The following KCNB2 variants were observed in gnomAD, a reference collection of about 807,000 sequenced individuals.
The protein encoded by KCNB2 is potassium voltage-gated channel subfamily B member 2, also known as delayed rectifier potassium channel protein.
KCNB2 carries 15 observed loss-of-function variants against 61.5 expected under a neutral mutation model. The ratio of observed to expected loss-of-function variants is 0.24; its 90% confidence interval spans 0.16 to 0.38. The LOEUF (loss-of-function observed/expected upper bound fraction) is 0.38, where lower values mean the gene tolerates loss of function less well. KCNB2 is among the 10% of genes least tolerant of loss of function. The pLI, the probability that KCNB2 is intolerant of heterozygous loss-of-function variation, is 1.00. For missense variants in KCNB2, 828 were observed against 1,125.2 expected (o/e 0.74, Z 3.78); for synonymous variants, 457 against 446.0 (o/e 1.02, Z -0.31).
intron 1 of KCNB2, among the ~76,000 whole-genome samples, chr8:72,543,607 T>C (rs540955521): frequency 6.6e-6 from 1 of 152,336 alleles, no homozygotes; most frequent in East Asian, 1.9e-4. Context: ...GATAGCACCT[T>C]CTATCATTCC....
Position 72,646,283 on chromosome 8 carries a change from G to A in KCNB2, c.579+77970G>A, listed in dbSNP as rs116814820. Among the ~76,000 whole-genome samples, 801 of 152,014 alleles carry A rather than the reference G, an allele frequency of 5.3e-3. 10 individuals are homozygous for A. The highest frequency in any genetic ancestry group is 0.018 in the African/African-American group (753 of 41,482). On this transcript the variant is annotated intron_variant, in intron 2 of 2. Coordinates refer to ENST00000523207, the MANE Select transcript of KCNB2 (RefSeq NM_004770.3). ...TTGTGTATTTGCATTTTTACTTACT[G>A]ATATTTAGTGCTTAACATTTTATAA...
At chr8:72,812,155 G>A (rs893469810) in intron 2 of KCNB2, among the ~76,000 whole-genome samples, 4 of 152,126 alleles carry the variant, frequency 2.6e-5, no homozygotes, top group Non-Finnish European at 4.4e-5. Context: ...CCAGCTACTC[G>A]CGAGGCTGAG....
chr8:72,639,108 C>G (rs1806012969), intron 2 of KCNB2, among the ~76,000 whole-genome samples: 1 of 152,120 alleles, frequency 6.6e-6, no homozygotes, highest in Non-Finnish European at 1.5e-5. Context: ...TCAGATACTT[C>G]TATGGTTACA....
intron 2 of KCNB2, among the ~76,000 whole-genome samples, chr8:72,722,959 C>T (rs367901110): frequency 1.3e-5 from 2 of 152,130 alleles, no homozygotes; most frequent in East Asian, 1.9e-4. Flanking sequence ...GTCTTTTTCT[C>T]ACCAGTCACT....
intron 2 of KCNB2, among the ~76,000 whole-genome samples, chr8:72,654,613 A>T (rs962914584): frequency 6.6e-5 from 10 of 152,154 alleles, no homozygotes; most frequent in Admixed American, 1.3e-4. Context: ...GGGTTTTCTT[A>T]AAAAATTTAG....
chr8:72,802,779 T>C (rs1172175521), intron 2 of KCNB2, among the ~76,000 whole-genome samples: 1 of 152,178 alleles, frequency 6.6e-6, no homozygotes, highest in Admixed American at 6.5e-5. Context: ...TTCTCTGCCA[T>C]CCATTATGGT....
chr8:72,725,573 ATGTATATATATATG>A (rs1807627950), intron 2 of KCNB2, among the ~76,000 whole-genome samples: 2 of 62,182 alleles, frequency 3.2e-5, no homozygotes, highest in African/African-American at 7.8e-5. Flanking sequence ...ATGTATATAT[ATGTATATATATATG>A]TATGTATATA....
intron 2 of KCNB2, among the ~76,000 whole-genome samples, chr8:72,848,668 G>A (rs1260659375): frequency 6.6e-6 from 1 of 152,074 alleles, no homozygotes; most frequent in Non-Finnish European, 1.5e-5. Context: ...GACTTCCTGT[G>A]TAAAACAAGG....
In KCNB2 at chr8:72,793,960, G is replaced by A. The variant is rs182320846; in HGVS notation, c.580-141975G>A. ...GACTGAGCCACTTAAGTAAGCCTTT[G>A]AAGGCCAGGGTAAGGACGTAAGGAA... On this transcript the variant is annotated intron_variant, in intron 2 of 2. Coordinates refer to ENST00000523207, the MANE Select transcript of KCNB2 (RefSeq NM_004770.3). Among the ~76,000 whole-genome samples the A allele has an allele frequency of 6.3e-3, 956 of 152,312 alleles. 6 individuals carry two copies. Among genetic ancestry groups the A allele is most frequent in the Non-Finnish European group, 6.9e-3 (471 of 68,028 alleles).
rs992779350 is a variant in KCNB2 at position 72,937,245 on chromosome 8, G to A, written c.1890G>A (p.Gln630=). The A allele has an allele frequency of 1.2e-6, 2 of 1,614,052 alleles. No individual in the cohort carries two copies. Among genetic ancestry groups the A allele is most frequent in the Admixed American group, 3.3e-5 (2 of 60,028 alleles). The change falls in exon 3 of 3, where the codon CAG becomes CAA. Residue 630 remains glutamine (Q), a synonymous_variant. Coordinates refer to ENST00000523207, the MANE Select transcript of KCNB2 (RefSeq NM_004770.3). The part of the protein sequence containing the change: ...PLPPPSASHL[Q]MKFPTDLPGT... ...CGCCGCCCTCCGCCTCTCACTTGCA[G>A]ATGAAGTTCCCAACCGACCTCCCAG...
chr8:72,621,092 T>C (rs1333982565), intron 2 of KCNB2, among the ~76,000 whole-genome samples: 1 of 152,200 alleles, frequency 6.6e-6, no homozygotes, highest in Non-Finnish European at 1.5e-5. Context: ...TTTATATGAG[T>C]CTTCACTTTT....
At position 72,695,381 on chromosome 8, in the gene KCNB2, A is replaced by G. The variant is rs375227711; in HGVS notation, c.579+127068A>G. On this transcript the variant is annotated intron_variant, in intron 2 of 2. Coordinates refer to ENST00000523207, the MANE Select transcript of KCNB2 (RefSeq NM_004770.3). ...TTCAGTAATTTTCTTCTCCTGTTTT[A>G]GAAATAAAATATCTTCTTCAAAATT... 9.8e-5 allele frequency among the ~76,000 whole-genome samples: 15 copies of G among 152,318 alleles called. No individual in the cohort carries two copies. The South Asian group carries it at 2.7e-3, about 27-fold the overall frequency.
At chr8:72,659,922 G>C (rs1340886377) in intron 2 of KCNB2, among the ~76,000 whole-genome samples, 4 of 152,164 alleles carry the variant, frequency 2.6e-5, no homozygotes, top group Non-Finnish European at 5.9e-5. Context: ...TCACTTTAAT[G>C]TATTTTTACT....
intron 2 of KCNB2, among the ~76,000 whole-genome samples, chr8:72,577,205 A>G (rs1007954364): frequency 1.3e-5 from 2 of 152,146 alleles, no homozygotes; most frequent in Non-Finnish European, 2.9e-5. Context: ...TTTGTTGTCA[A>G]GTTTCTGTGT....
chr8:72,561,769 A>G lies in KCNB2; in HGVS notation c.-93-5873A>G, dbSNP rs3886978. Among the ~76,000 whole-genome samples the G allele has an allele frequency of 5.6e-4, 16 of 28,576 alleles. 3 individuals are homozygous for G. The highest frequency in any genetic ancestry group is 0.01 in the Middle Eastern group (1 of 98). The allele number at this position is 28,576 out of a possible 152,430, so 18.7% of individuals were successfully genotyped here. A position where few individuals can be genotyped will look rare whatever the true frequency, so the allele number is the denominator to read the frequency against. On this transcript the variant is annotated intron_variant, in intron 1 of 2. Transcript: ENST00000523207. The stretch of plus-strand genomic sequence containing the variant: ...TATGTATATATATATATGGATATAT[A>G]TATATATGGATATATATATACATAT...
intron 2 of KCNB2, among the ~76,000 whole-genome samples, chr8:72,622,290 G>T (rs571767790): frequency 6.6e-6 from 1 of 152,180 alleles, no homozygotes; most frequent in Non-Finnish European, 1.5e-5. Context: ...AAGAAGAAAA[G>T]CCTACCTCTG....
intron 2 of KCNB2, among the ~76,000 whole-genome samples, chr8:72,723,511 C>T (rs1807585222): frequency 6.6e-6 from 1 of 152,132 alleles, no homozygotes; most frequent in Admixed American, 6.5e-5. Context: ...TCTCCCTGGA[C>T]ACAGGAAGTG....
intron 2 of KCNB2, among the ~76,000 whole-genome samples, chr8:72,742,312 TAA>T (rs1807973746): frequency 2.0e-5 from 3 of 152,344 alleles, no homozygotes; most frequent in South Asian, 4.1e-4. Context: ...CACAGGTCTG[TAA>T]AAATTCGTGT....
chr8:72,572,933 G>A (rs1242310903), intron 2 of KCNB2, among the ~76,000 whole-genome samples: 1 of 152,100 alleles, frequency 6.6e-6, no homozygotes, highest in East Asian at 1.9e-4. Context: ...ATGGTGCAGC[G>A]CGGCACCTGA....
Sources: gnomAD v4.1 joint callset for allele counts (sites outside exome capture counted in the v4.1 genomes callset) on GRCh38, gnomAD v4.1.1 for gene constraint, MANE v1.5 for transcripts, NCBI Gene and HGNC (gene_info 2026-07-23, HGNC 2026-07-21) for gene names.